MOCOS: variants seen among roughly 807,000 people sequenced by gnomAD.
MOCOS encodes the protein molybdenum cofactor sulfurase.
MOCOS carries 86 observed loss-of-function variants against 83.6 expected under a neutral mutation model. That is an observed-to-expected ratio of 1.03 (90% CI 0.86 to 1.23). The LOEUF (loss-of-function observed/expected upper bound fraction) is 1.23, where lower values mean the gene tolerates loss of function less well. Among genes scored for constraint, MOCOS ranks in the 50% most tolerant of loss-of-function variants. The pLI is 0.00. For missense variants in MOCOS, 1,120 were observed against 1,126.9 expected, an observed-to-expected ratio of 0.99 and a Z score of 0.09; for synonymous variants, 445 against 434.7, an observed-to-expected ratio of 1.02 and a Z score of -0.29.
chr18:36,192,919 G>T (rs1488951404), intron 1 of MOCOS, among the ~76,000 whole-genome samples: 2 of 152,104 alleles, frequency 1.3e-5, no homozygotes, highest in Admixed American at 6.5e-5. Flanking sequence ...CAAGTGCTGA[G>T]ATTACAGTGT....
At chr18:36,206,142 G>C (rs1197931016) in intron 6 of MOCOS, among the ~76,000 whole-genome samples, 2 of 152,136 alleles carry the variant, frequency 1.3e-5, no homozygotes, top group Non-Finnish European at 2.9e-5. Flanking sequence ...TCCACCTGTG[G>C]AGGAAGGCAA....
intron 11 of MOCOS, among the ~76,000 whole-genome samples, chr18:36,256,505 A>G (rs548423267): frequency 2.0e-5 from 3 of 152,084 alleles, no homozygotes; most frequent in African/African-American, 7.2e-5. Context: ...GCTAGAGTGC[A>G]GTGGTGTGAT....
chr18:36,232,137 C>T (rs570104692), intron 9 of MOCOS, among the ~76,000 whole-genome samples: 7 of 152,192 alleles, frequency 4.6e-5, no homozygotes, highest in South Asian at 2.1e-4. Flanking sequence ...CCACATCCAG[C>T]TAATTTTTGA....
chr18:36,259,002 A>G (rs760090164), intron 12 of MOCOS, among the ~76,000 whole-genome samples: 13 of 141,496 alleles, frequency 9.2e-5, no homozygotes, highest in Non-Finnish European at 2.0e-4. Context: ...CTTCAACTTA[A>G]TATGGTGGGA....
At chr18:36,236,783 T>C (rs1214599216) in intron 9 of MOCOS, among the ~76,000 whole-genome samples, 2 of 141,974 alleles carry the variant, frequency 1.4e-5, no homozygotes, top group Non-Finnish European at 3.1e-5. Flanking sequence ...GTTCTTCCAT[T>C]TGTTTGTATC....
chr18:36,208,975 C>G (rs756233577), intron 6 of MOCOS, among the ~76,000 whole-genome samples: 21 of 152,000 alleles, frequency 1.4e-4, no homozygotes, highest in Non-Finnish European at 2.9e-4. Context: ...CCTTGGATTC[C>G]TAGTTTGTTG....
At chr18:36,236,975 T>A (rs1238184786) in intron 9 of MOCOS, among the ~76,000 whole-genome samples, 2 of 152,126 alleles carry the variant, frequency 1.3e-5, no homozygotes, top group African/African-American at 4.8e-5. Flanking sequence ...TTTTTGCACA[T>A]TGATTTTGTA....
intron 8 of MOCOS, among the ~76,000 whole-genome samples, chr18:36,219,530 T>G (rs905878956): frequency 4.6e-4 from 70 of 151,958 alleles, no homozygotes; most frequent in African/African-American, 1.7e-3. Flanking sequence ...AATACAAAAC[T>G]TAGCCGGGCA....
chr18:36,219,282 G>T (rs761690569), intron 8 of MOCOS, among the ~76,000 whole-genome samples: 12 of 151,892 alleles, frequency 7.9e-5, no homozygotes, highest in Non-Finnish European at 1.6e-4. Context: ...CCGCTTCCTA[G>T]GTTCAAGCAA....
chr18:36,201,962 G>A (rs1321603171), intron 4 of MOCOS, among the ~76,000 whole-genome samples: 1 of 152,176 alleles, frequency 6.6e-6, no homozygotes, highest in African/African-American at 2.4e-5. Context: ...GCACCTGAAG[G>A]CCAGGAGAAG....
In MOCOS at chr18:36,199,928, A is replaced by G. The variant is rs2091405366; in HGVS notation, c.545A>G (p.Glu182Gly). The G allele has an allele frequency of 6.2e-7, 1 of 1,614,052 alleles. No individual in the cohort carries two copies. The highest frequency in any genetic ancestry group is 1.3e-5 in the African/African-American group (1 of 74,926). Residue 182 changes from glutamate to glycine, a missense_variant, in exon 4 of 15, where the codon GAA (glutamate) becomes GGA (glycine). By Grantham distance (98) the Glu-to-Gly change is moderately conservative (BLOSUM62 -2). Coordinates refer to ENST00000261326, the MANE Select transcript of MOCOS (RefSeq NM_017947.4). ...VRPEDLWSAE[E>G]RSASASNPDC... is the part of the protein sequence containing the mutation. ...CCAGAGGACCTGTGGTCTGCAGAGG[A>G]ACGTAGTGCTTCAGCCAGCAACCCA...
chr18:36,202,237 C>CAAA (rs1334672857), intron 4 of MOCOS, among the ~76,000 whole-genome samples: 1 of 152,190 alleles, frequency 6.6e-6, no homozygotes. Context: ...AAGTACATCC[C>CAAA]TTGACAGAAA....
intron 2 of MOCOS, among the ~76,000 whole-genome samples, chr18:36,198,091 G>C (rs1006579296): frequency 2.0e-5 from 3 of 151,854 alleles, no homozygotes; most frequent in African/African-American, 4.8e-5. Context: ...CTTTTTATTG[G>C]CAAATAACTT....
At chr18:36,233,327 T>C (rs1350069366) in intron 9 of MOCOS, among the ~76,000 whole-genome samples, 2 of 152,178 alleles carry the variant, frequency 1.3e-5, no homozygotes, top group Non-Finnish European at 2.9e-5. Context: ...TCCAACTCTA[T>C]CCAGATTGTT....
intron 13 of MOCOS, among the ~76,000 whole-genome samples, chr18:36,260,998 C>A (rs950391832): frequency 7.9e-5 from 12 of 151,964 alleles, no homozygotes; most frequent in Admixed American, 5.9e-4. Context: ...CTGCTTATTC[C>A]TGCAGTGTGT....
At chr18:36,239,495 A>G (rs1193603308) in intron 9 of MOCOS, among the ~76,000 whole-genome samples, 21 of 151,782 alleles carry the variant, frequency 1.4e-4, no homozygotes, top group Non-Finnish European at 2.8e-4. Context: ...GGTTTCTGCC[A>G]AGAGATCCGC....
At chr18:36,257,164 A>T in intron 12 of MOCOS, 91 bp downstream of exon 12, 1 of 1,119,536 alleles carries the variant, frequency 8.9e-7, no homozygotes, top group Non-Finnish European at 1.4e-6. Flanking sequence ...GAGAGATCTG[A>T]GAGTCATGAA....
At chr18:36,248,539 C>T (rs1479503784) in intron 9 of MOCOS, among the ~76,000 whole-genome samples, 1 of 152,170 alleles carries the variant, frequency 6.6e-6, no homozygotes, top group Non-Finnish European at 1.5e-5. Flanking sequence ...GAAGCAGTTC[C>T]CCAATGTTTT....
intron 1 of MOCOS, 45 bp downstream of exon 1, chr18:36,187,726 C>T (rs2091347067): frequency 1.6e-6 from 2 of 1,252,248 alleles, no homozygotes; most frequent in Admixed American, 3.9e-5. Context: ...TTTCTGGAAC[C>T]GACGTGGACG....
Sources: gnomAD v4.1 joint callset for allele counts (sites outside exome capture counted in the v4.1 genomes callset) on GRCh38, gnomAD v4.1.1 for gene constraint, MANE v1.5 for transcripts, NCBI Gene and HGNC (gene_info 2026-07-23, HGNC 2026-07-21) for gene names.